DNAJB1: variants seen among roughly 807,000 people sequenced by gnomAD.
DNAJB1 encodes dnaJ homolog subfamily B member 1.
A neutral mutation model predicts 24.0 loss-of-function variants in DNAJB1; 14 were observed. The ratio of observed to expected loss-of-function variants is 0.58; its 90% CI spans 0.39 to 0.91. The LOEUF (loss-of-function observed/expected upper bound fraction) is 0.91. Ranked by LOEUF, DNAJB1 falls within the 40% of genes least tolerant of loss-of-function variation. The probability of loss-of-function intolerance (pLI) is 0.00; values close to 1 mark genes in which losing one functional copy is unlikely to be tolerated. For synonymous variants in DNAJB1, 262 were observed against 174.4 expected, an observed-to-expected ratio of 1.50 and a Z score of -3.96; for missense variants, 517 against 458.1, an observed-to-expected ratio of 1.13 and a Z score of -1.17.
upstream of DNAJB1, chr19:14,529,599 G>A: frequency 1.4e-5 from 23 of 1,587,062 alleles, no homozygotes; most frequent in Non-Finnish European, 1.9e-5. Flanking sequence ...GCCGCGTTTA[G>A]TCTATCGCTG....
upstream of DNAJB1, among the ~76,000 whole-genome samples, chr19:14,523,313 A>G (rs183319110): frequency 1.4e-3 from 212 of 152,056 alleles, 2 homozygotes; most frequent in Admixed American, 0.011. Context: ...CATTATAATA[A>G]CATTTTTATT....
At chr19:14,556,819 C>T (rs995214887) in intron 1 of DNAJB1, among the ~76,000 whole-genome samples, 64 of 152,166 alleles carry the variant, frequency 4.2e-4, no homozygotes, top group Non-Finnish European at 6.8e-4. Flanking sequence ...TAAGTCTGTG[C>T]GGCCACAAGG....
chr19:14,541,460 C>T (rs570977652), intron 1 of DNAJB1, among the ~76,000 whole-genome samples: 5 of 152,360 alleles, frequency 3.3e-5, no homozygotes, highest in South Asian at 2.1e-4. Context: ...GGCCTTTTCC[C>T]GTCATAGGAC....
At chr19:14,543,584 G>A (rs1460951059) in intron 1 of DNAJB1, among the ~76,000 whole-genome samples, 11 of 146,114 alleles carry the variant, frequency 7.5e-5, no homozygotes, top group African/African-American at 2.5e-4. Context: ...GACTACAGGC[G>A]CCCGCTACCA....
intron 1 of DNAJB1, among the ~76,000 whole-genome samples, chr19:14,543,438 T>A (rs1334640301): frequency 0.098 from 4,569 of 46,510 alleles, 368 homozygotes; most frequent in Non-Finnish European, 0.17. Flanking sequence ...TTTTTTTTTT[T>A]TTTTTTTTTT....
At chr19:14,542,588 C>T (rs1409433152) in intron 1 of DNAJB1, among the ~76,000 whole-genome samples, 1 of 145,884 alleles carries the variant, frequency 6.9e-6, no homozygotes, top group Non-Finnish European at 1.5e-5. Flanking sequence ...TCTCGAACTC[C>T]TGACCTCAGG....
chr19:14,534,893 C>T lies in DNAJB1; in HGVS notation c.-213-7083G>A, dbSNP rs1199995564. ...TGGGTTTGTCAGACTCCAGTTTTGT[C>T]CACACTGATGGCTTCTCTGCTGATG... On this transcript the variant is annotated intron_variant, in intron 1 of 3. Transcript: ENST00000676982. Among the ~76,000 whole-genome samples, 3 of 152,324 alleles carry T rather than the reference C, an allele frequency of 2.0e-5. No homozygotes were observed. In the East Asian group the frequency reaches 5.8e-4, roughly 29 times the overall value.
upstream of DNAJB1, among the ~76,000 whole-genome samples, chr19:14,518,795 A>G (rs533624710): frequency 2.3e-4 from 35 of 152,338 alleles, no homozygotes; most frequent in African/African-American, 8.2e-4. Context: ...GGGACTACCC[A>G]GTCCTTTCCC....
chr19:14,553,130 G>A (rs1049769741), upstream of DNAJB1, among the ~76,000 whole-genome samples: 4 of 152,090 alleles, frequency 2.6e-5, no homozygotes, highest in Admixed American at 2.0e-4. Context: ...GTGGCTGCTC[G>A]CCCAAGCCAG....
chr19:14,524,039 C>G (rs1369678655), intron 2 of DNAJB1, among the ~76,000 whole-genome samples: 3 of 152,126 alleles, frequency 2.0e-5, no homozygotes, highest in African/African-American at 7.2e-5. Context: ...ACCCATTTTA[C>G]AGGTGGGGAG....
chr19:14,519,331 T>G (rs1449224274), upstream of DNAJB1, among the ~76,000 whole-genome samples: 1 of 152,174 alleles, frequency 6.6e-6, no homozygotes, highest in Non-Finnish European at 1.5e-5. Context: ...ATCCGGCCGT[T>G]GCACTCCAGC....
At position 14,548,213 on chromosome 19, in the gene DNAJB1, G is replaced by A. The variant is rs112768130; in HGVS notation, c.-214+1995C>T. ...TCCTGACTTCATGATCCGCCCCCTCGGCCTCCCAAAGTGCTGGGATTACAG... is the reference window on the plus strand; with the variant it reads ...TCCTGACTTCATGATCCGCCCCCTCAGCCTCCCAAAGTGCTGGGATTACAG... On this transcript the variant is annotated intron_variant, in intron 1 of 3. Transcript: ENST00000676982. Among the ~76,000 whole-genome samples the A allele has an allele frequency of 2.7e-4, 41 of 151,950 alleles. 1 individual carries two copies. The highest frequency in any genetic ancestry group is 4.1e-4 in the African/African-American group (17 of 41,460).
chr19:14,546,168 G>A (rs1037777628), intron 1 of DNAJB1, among the ~76,000 whole-genome samples: 1 of 152,118 alleles, frequency 6.6e-6, no homozygotes, highest in Non-Finnish European at 1.5e-5. Flanking sequence ...CATGGGGGCG[G>A]CGCTGGGGGC....
At chr19:14,521,561 G>A (rs1040188627), upstream of DNAJB1, among the ~76,000 whole-genome samples, 4 of 152,062 alleles carry the variant, frequency 2.6e-5, no homozygotes, top group Admixed American at 2.6e-4. Context: ...TTGTGCTTGG[G>A]GTCAGTGTTA....
intron 1 of DNAJB1, 115 bp from the exon 2 acceptor site, chr19:14,517,161 G>C (rs1056193750): frequency 1.1e-5 from 12 of 1,114,338 alleles, no homozygotes; most frequent in Non-Finnish European, 1.5e-5. Context: ...TTGTCTGTCA[G>C]GGGAGAGCAA....
chr19:14,515,943 T>C lies in DNAJB1; in HGVS notation c.1020A>G (p.Ile340Met). The C allele has an allele frequency of 1.2e-6, 2 of 1,606,770 alleles. No homozygotes were observed. The highest frequency in any genetic ancestry group is 8.5e-7 in the Non-Finnish European group (1 of 1,178,352). ...SRTVLEQVLP[I>M] is the part of the protein sequence containing the mutation. ...AGTCCTTGGGGAGCTCAGATAGCTA[T>C]ATTGGAAGAACCTGCTCAAGTACGG... The change falls in exon 3 of 3, where the codon ATA becomes ATG. Residue 340 changes from isoleucine to methionine, a missense_variant. By Grantham distance (10) the Ile-to-Met change is conservative (BLOSUM62 1). Transcript: ENST00000254322.
Position 14,514,922 on chromosome 19 carries a change from TC to T in DNAJB1, c.*1017del, listed in dbSNP as rs2072229798. 6.6e-6 allele frequency: 1 copy of T among 152,464 alleles called. No individual in the cohort carries two copies. The highest frequency in any genetic ancestry group is 2.1e-4 in the South Asian group (1 of 4,826). 9.4% of individuals were successfully genotyped at this position (152,464 alleles called of 1,614,324 possible). A position where few individuals can be genotyped will look rare whatever the true frequency, so the allele number is the denominator to read the frequency against. On this transcript the variant is annotated 3_prime_UTR_variant, in exon 3 of 3. Coordinates refer to ENST00000254322, the MANE Select transcript of DNAJB1 (RefSeq NM_006145.3). ...GACATTTGTTCCAACTCCCCTTCCC[TC>T]CCCAAGATTTCTTCAGAATTCCATT...
At chr19:14,518,006 A>G (rs2072305217) in intron 1 of DNAJB1, 133 bp downstream of exon 1, 2 of 998,852 alleles carry the variant, frequency 2.0e-6, no homozygotes, top group East Asian at 3.3e-5. Flanking sequence ...GAGGCCCGCG[A>G]GGCCGGAGGG....
At chr19:14,523,205 C>T (rs777879825), upstream of DNAJB1, among the ~76,000 whole-genome samples, 2 of 151,100 alleles carry the variant, frequency 1.3e-5, no homozygotes, top group African/African-American at 4.9e-5. Context: ...GACTCTGTCT[C>T]GAAAAGAAAA....
Sources: gnomAD v4.1 joint callset for allele counts (sites outside exome capture counted in the v4.1 genomes callset) on GRCh38, gnomAD v4.1.1 for gene constraint, MANE v1.5 for transcripts, NCBI Gene and HGNC (gene_info 2026-07-23, HGNC 2026-07-21) for gene names.